Variants in L3MBTL3 observed in about 807,000 individuals in gnomAD.
L3MBTL3 encodes the protein lethal(3)malignant brain tumor-like protein 3.
A neutral mutation model predicts 102.3 loss-of-function variants in L3MBTL3; 27 were observed. That is an observed-to-expected ratio of 0.26 (90% CI 0.19 to 0.36). L3MBTL3 has a LOEUF of 0.36. L3MBTL3 is among the 10% of genes least tolerant of loss of function. The pLI, the probability that L3MBTL3 is intolerant of heterozygous loss-of-function variation, is 1.00. For missense variants in L3MBTL3, 798 were observed against 955.3 expected, an observed-to-expected ratio of 0.84 and a Z score of 2.17; for synonymous variants, 340 against 320.9, an observed-to-expected ratio of 1.06 and a Z score of -0.64.
chr6:130,062,319 C>T (rs1319849265), intron 10 of L3MBTL3, among the ~76,000 whole-genome samples: 1 of 151,980 alleles, frequency 6.6e-6, no homozygotes, highest in Admixed American at 6.6e-5. Flanking sequence ...GATGTTTTCT[C>T]TGTGTATAAA....
chr6:130,072,391 G>T (rs1279812502), intron 13 of L3MBTL3, among the ~76,000 whole-genome samples: 33 of 152,154 alleles, frequency 2.2e-4, no homozygotes, highest in Admixed American at 1.4e-3. Flanking sequence ...AGCATCCTTA[G>T]ATATTGGTGT....
chr6:130,086,055 CT>C, intron 15 of L3MBTL3, 84 bp from the exon 16 acceptor site: 2 of 980,198 alleles, frequency 2.0e-6, no homozygotes, highest in Non-Finnish European at 3.2e-6. Context: ...GCCTGGCCAG[CT>C]TTTTCTTCTT....
chr6:130,105,106 A>G (rs1255403288), intron 19 of L3MBTL3, among the ~76,000 whole-genome samples: 2 of 152,248 alleles, frequency 1.3e-5, no homozygotes, highest in African/African-American at 4.8e-5. Context: ...TGAAGAACCA[A>G]ACTGATACAT....
chr6:130,129,716 C>T (rs896150567), intron 20 of L3MBTL3, among the ~76,000 whole-genome samples: 10 of 152,160 alleles, frequency 6.6e-5, no homozygotes, highest in South Asian at 2.1e-4. Context: ...GAGAGTGGTA[C>T]GAAATAGGGT....
At position 130,066,396 on chromosome 6, in the gene L3MBTL3, A is replaced by G; in HGVS notation, c.908A>G (p.Asp303Gly). 3.1e-6 allele frequency: 5 copies of G among 1,610,372 alleles called. No homozygotes were observed. The highest frequency in any genetic ancestry group is 4.2e-6 in the Non-Finnish European group (5 of 1,178,388). The change falls in exon 11 of 23, where the codon GAT becomes GGT. Residue 303 changes from aspartate to glycine, a missense_variant. Coordinates refer to ENST00000361794, the MANE Select transcript of L3MBTL3 (RefSeq NM_032438.4). The part of the protein sequence containing the change: ...RIKLHFDGYS[D>G]CYDFWVNADA... ...AAGCTTCACTTTGATGGGTATTCTG[A>G]TTGCTATGACTTCTGGGTGAATGCA... is the stretch of plus-strand genomic sequence containing the variant.
intron 11 of L3MBTL3, 105 bp from the exon 12 acceptor site, chr6:130,068,225 G>C (rs1383326407): frequency 1.7e-6 from 1 of 598,448 alleles, no homozygotes; most frequent in African/African-American, 1.8e-5. Flanking sequence ...TATTTAAAAA[G>C]TCATTTGATT....
intron 18 of L3MBTL3, among the ~76,000 whole-genome samples, chr6:130,097,036 G>A (rs1784400890): frequency 6.6e-6 from 1 of 152,144 alleles, no homozygotes; most frequent in South Asian, 2.1e-4. Flanking sequence ...CAGAACTCCT[G>A]GAGGTCCCAG....
intron 11 of L3MBTL3, among the ~76,000 whole-genome samples, chr6:130,067,077 A>G (rs778271914): frequency 1.3e-5 from 2 of 152,178 alleles, no homozygotes; most frequent in Non-Finnish European, 2.9e-5. Flanking sequence ...AAGTTCAAGA[A>G]TAACAGATAT....
At chr6:130,104,096 T>G (rs1039146403) in intron 18 of L3MBTL3, among the ~76,000 whole-genome samples, 4 of 152,244 alleles carry the variant, frequency 2.6e-5, no homozygotes, top group Non-Finnish European at 5.9e-5. Context: ...ACCTTTGTCC[T>G]GAATGATGTC....
chr6:130,134,510 A>T (rs573116525), intron 22 of L3MBTL3, among the ~76,000 whole-genome samples: 1 of 152,314 alleles, frequency 6.6e-6, no homozygotes, highest in East Asian at 1.9e-4. Context: ...ACTTACAGTG[A>T]GCACTAGAAT....
intron 20 of L3MBTL3, among the ~76,000 whole-genome samples, chr6:130,128,831 C>A (rs1239984404): frequency 6.6e-6 from 1 of 152,130 alleles, no homozygotes. Context: ...CTTTAGCATA[C>A]CAGTGCATGA....
intron 2 of L3MBTL3, among the ~76,000 whole-genome samples, chr6:130,032,307 C>G (rs929326700): frequency 6.6e-6 from 1 of 152,096 alleles, no homozygotes; most frequent in Non-Finnish European, 1.5e-5. Flanking sequence ...CCTAGAGTAG[C>G]GTCTGCTGTT....
chr6:130,087,009 T>C (rs1035881547), intron 16 of L3MBTL3, among the ~76,000 whole-genome samples: 4 of 152,216 alleles, frequency 2.6e-5, no homozygotes, highest in Non-Finnish European at 4.4e-5. Flanking sequence ...TACATTGTTA[T>C]CACTTTTACT....
At chr6:130,024,943 T>TA (rs1779248644) in intron 2 of L3MBTL3, among the ~76,000 whole-genome samples, 1 of 152,194 alleles carries the variant, frequency 6.6e-6, no homozygotes, top group South Asian at 2.1e-4. Flanking sequence ...GACCATGGCA[T>TA]ATCATCCAAT....
chr6:130,066,494 G>C lies in L3MBTL3; in HGVS notation c.1000+6G>C. ...CAAACTCCATCCTCCAAAAGGTTTT[G>C]TCACTTTTTGTTTGATATTTTAAAT... is the stretch of plus-strand genomic sequence containing the variant. On this transcript the variant is annotated splice_donor_region_variant and intron_variant, in intron 11 of 22. Transcript: ENST00000361794. 6.2e-7 allele frequency: 1 copy of C among 1,604,838 alleles called. No homozygotes were observed. Among genetic ancestry groups the C allele is most frequent in the Non-Finnish European group, 8.5e-7 (1 of 1,176,236 alleles).
intron 13 of L3MBTL3, among the ~76,000 whole-genome samples, chr6:130,074,826 T>G (rs1782851888): frequency 6.6e-6 from 1 of 152,108 alleles, no homozygotes; most frequent in Non-Finnish European, 1.5e-5. Flanking sequence ...AGGGCAAAAA[T>G]TCGTAACAAA....
intron 19 of L3MBTL3, among the ~76,000 whole-genome samples, chr6:130,110,864 T>A (rs1201870782): frequency 6.6e-6 from 1 of 152,206 alleles, no homozygotes; most frequent in Non-Finnish European, 1.5e-5. Flanking sequence ...TGAGATATGT[T>A]CCATCAATAC....
At chr6:130,086,804 A>T (rs1783716704) in intron 16 of L3MBTL3, among the ~76,000 whole-genome samples, 1 of 152,218 alleles carries the variant, frequency 6.6e-6, no homozygotes, top group Non-Finnish European at 1.5e-5. Flanking sequence ...AAGGAGCCAG[A>T]AGAGCTCGTC....
At chr6:130,051,481 G>A (rs1781088505) in intron 6 of L3MBTL3, 73 bp downstream of exon 6, 1 of 1,351,324 alleles carries the variant, frequency 7.4e-7, no homozygotes, top group South Asian at 1.3e-5. Flanking sequence ...GAATATAGAA[G>A]TTTTATGCTC....
Sources: allele counts gnomAD v4.1 joint callset (sites outside exome capture counted in the v4.1 genomes callset), GRCh38; gene constraint gnomAD v4.1.1; transcripts MANE v1.5; gene names NCBI Gene and HGNC (gene_info 2026-07-23, HGNC 2026-07-21).